Variants in PTPN4 observed in about 807,000 individuals in gnomAD.
PTPN4 encodes the protein protein tyrosine phosphatase non-receptor type 4.
Under a neutral mutation model 135.5 loss-of-function variants are expected in PTPN4, and 49 were observed. The observed-to-expected ratio is 0.36, with a 90% confidence interval of 0.29 to 0.46. The LOEUF (loss-of-function observed/expected upper bound fraction) is 0.46. PTPN4 is among the 20% of genes least tolerant of loss of function. The pLI, the probability that PTPN4 is intolerant of heterozygous loss-of-function variation, is 1.00. For synonymous variants in PTPN4, 333 were observed against 369.9 expected (o/e 0.90, Z 1.14); for missense variants, 860 against 1,101.0 (o/e 0.78, Z 3.10).
Position 119,960,935 on chromosome 2 carries a change from A to G in PTPN4, c.2262A>G (p.Thr754=). 3 of 1,612,222 alleles carry G rather than the reference A, an allele frequency of 1.9e-6. No individual in the cohort carries two copies. The highest frequency in any genetic ancestry group is 2.5e-6 in the Non-Finnish European group (3 of 1,179,546). Reference sequence around the variant, plus strand: ...CCTCTATGGTTGTAATGTTGACCACACAAGTTGAACGTGGCAGAGTAAGTC... The same window carrying G: ...CCTCTATGGTTGTAATGTTGACCACGCAAGTTGAACGTGGCAGAGTAAGTC... ...QGSSMVVMLT[T]QVERGRVKCH... The change falls in exon 23 of 27, where the codon ACA becomes ACG. Residue 754 remains threonine, a synonymous_variant. Coordinates refer to ENST00000263708, the MANE Select transcript of PTPN4 (RefSeq NM_002830.4).
chr2:119,951,232 C>G, intron 18 of PTPN4, among the ~76,000 whole-genome samples: 1 of 152,142 alleles, frequency 6.6e-6, no homozygotes, highest in East Asian at 1.9e-4. Flanking sequence ...TCCAAAAGTT[C>G]CTTTGGCTGC....
At chr2:119,967,397 C>T (rs1679460357) in intron 25 of PTPN4, among the ~76,000 whole-genome samples, 3 of 151,558 alleles carry the variant, frequency 2.0e-5, no homozygotes, top group African/African-American at 4.9e-5. Context: ...TGCAGTGAGC[C>T]GAGATCGCAC....
intron 2 of PTPN4, among the ~76,000 whole-genome samples, chr2:119,817,546 G>A (rs368975787): frequency 2.6e-5 from 4 of 152,014 alleles, no homozygotes; most frequent in East Asian, 1.9e-4. Flanking sequence ...TACTAGTACC[G>A]TACTGTTTTT....
chr2:119,846,042 T>C (rs765710520), intron 2 of PTPN4, among the ~76,000 whole-genome samples: 118 of 152,354 alleles, frequency 7.7e-4, no homozygotes, highest in Middle Eastern at 3.4e-3. Flanking sequence ...CCATTTGTTG[T>C]TGGAGAATAT....
At chr2:119,951,480 C>A (rs765992875) in intron 18 of PTPN4, among the ~76,000 whole-genome samples, 3 of 152,228 alleles carry the variant, frequency 2.0e-5, no homozygotes, top group Non-Finnish European at 4.4e-5. Context: ...GAACTGAAAA[C>A]AGATGACCAT....
chr2:119,918,587 G>A (rs1446196389), intron 11 of PTPN4, among the ~76,000 whole-genome samples: 5 of 152,170 alleles, frequency 3.3e-5, no homozygotes, highest in Non-Finnish European at 7.4e-5. Context: ...ATACACAACA[G>A]AATAGTAAGG....
intron 1 of PTPN4, among the ~76,000 whole-genome samples, chr2:119,766,510 G>C (rs1256095312): frequency 6.7e-6 from 1 of 149,534 alleles, no homozygotes; most frequent in African/African-American, 2.5e-5. Context: ...GTGTGTGTGT[G>C]AAATATCTCT....
intron 3 of PTPN4, among the ~76,000 whole-genome samples, chr2:119,866,854 A>G (rs1452638812): frequency 2.6e-5 from 4 of 152,106 alleles, no homozygotes; most frequent in South Asian, 2.1e-4. Context: ...ATCTATTCAT[A>G]TGTTTCCACT....
intron 2 of PTPN4, among the ~76,000 whole-genome samples, chr2:119,861,016 A>T (rs560141753): frequency 4.6e-4 from 70 of 151,288 alleles, no homozygotes; most frequent in Non-Finnish European, 8.4e-4. Context: ...ATTGCACTCT[A>T]GCCTGGGCAA....
intron 1 of PTPN4, among the ~76,000 whole-genome samples, chr2:119,800,131 AT>A (rs773241327): frequency 2.0e-5 from 3 of 152,132 alleles, no homozygotes; most frequent in Non-Finnish European, 4.4e-5. Context: ...TGTTCTTTTA[AT>A]TCTAAGAGGA....
At chr2:119,976,876 C>T in intron 26 of PTPN4, 108 bp from the exon 27 acceptor site, 1 of 1,485,858 alleles carries the variant, frequency 6.7e-7, no homozygotes, top group South Asian at 1.3e-5. Flanking sequence ...TTTTGTTTTG[C>T]ATTTTTTAAG....
chr2:119,812,828 A>G (rs1676914428), intron 2 of PTPN4, among the ~76,000 whole-genome samples: 1 of 152,232 alleles, frequency 6.6e-6, no homozygotes, highest in Admixed American at 6.5e-5. Context: ...TGTCCGTACT[A>G]CATGGATTGA....
chr2:119,798,168 CTT>C (rs201921444), intron 1 of PTPN4, among the ~76,000 whole-genome samples: 16 of 142,112 alleles, frequency 1.1e-4, no homozygotes, highest in African/African-American at 1.0e-4. Context: ...ACTGCAACAT[CTT>C]TTTTTTTTTT....
intron 1 of PTPN4, among the ~76,000 whole-genome samples, chr2:119,806,285 T>C (rs558518659): frequency 1.3e-5 from 2 of 152,144 alleles, no homozygotes; most frequent in Admixed American, 6.5e-5. Flanking sequence ...GACTAGCAAA[T>C]TGGATAAAGA....
chr2:119,796,773 T>G (rs1691269252), intron 1 of PTPN4, among the ~76,000 whole-genome samples: 1 of 152,220 alleles, frequency 6.6e-6, no homozygotes, highest in East Asian at 1.9e-4. Flanking sequence ...TTTCCAGCAT[T>G]GTTGTAACAT....
At chr2:119,838,823 T>C (rs1317885239) in intron 2 of PTPN4, among the ~76,000 whole-genome samples, 1 of 152,272 alleles carries the variant, frequency 6.6e-6, no homozygotes, top group Non-Finnish European at 1.5e-5. Flanking sequence ...TTTGCTGTTT[T>C]ATCATTCACT....
Position 119,879,336 on chromosome 2 carries a change from G to C in PTPN4, c.368+1794G>C, listed in dbSNP as rs1450582190. On this transcript the variant is annotated intron_variant, in intron 5 of 26. Coordinates refer to ENST00000263708, the MANE Select transcript of PTPN4 (RefSeq NM_002830.4). ...GTTGAAATAACTGCCTGAAGCAGAA[G>C]AAAGTAAAATCAAGTTTGATGGTAG... Among the ~76,000 whole-genome samples the C allele has an allele frequency of 1.3e-5, 2 of 152,190 alleles. 1 individual carries two copies. Among genetic ancestry groups the C allele is most frequent in the East Asian group, 3.8e-4 (2 of 5,204 alleles).
Position 119,945,610 on chromosome 2 carries a change from T to A in PTPN4, c.1515+370T>A, listed in dbSNP as rs77064786. On this transcript the variant is annotated intron_variant, in intron 16 of 26. Coordinates refer to ENST00000263708, the MANE Select transcript of PTPN4 (RefSeq NM_002830.4). Reference sequence around the variant, plus strand: ...ACTTAAAGTATAATAATAATAAAAATTAAAAATAAAAATAACAATAAAGAA... The same window carrying A: ...ACTTAAAGTATAATAATAATAAAAAATAAAAATAAAAATAACAATAAAGAA... 3.1e-4 allele frequency among the ~76,000 whole-genome samples: 6 copies of A among 19,106 alleles called. No homozygotes were observed. The South Asian group carries it at 9.0e-3, about 29-fold the overall frequency. 12.5% of individuals were successfully genotyped at this position (19,106 alleles called of 152,430 possible). A position where few individuals can be genotyped will look rare whatever the true frequency, so the allele number is the denominator to read the frequency against.
At position 119,862,526 on chromosome 2, in the gene PTPN4, T is replaced by A. The variant is rs1484421401; in HGVS notation, c.139-10T>A. On this transcript the variant is annotated splice_polypyrimidine_tract_variant and intron_variant, in intron 2 of 26. Transcript: ENST00000263708. ...AGTTGATTTCATTCAATTTTTTTTT[T>A]TTTTTACAGAAACATGATCAGGGGC... 3 of 1,594,610 alleles carry A rather than the reference T, an allele frequency of 1.9e-6. No homozygotes were observed. In the South Asian group the frequency reaches 3.4e-5, roughly 18 times the overall value.
Sources: allele counts gnomAD v4.1 joint callset (sites outside exome capture counted in the v4.1 genomes callset), GRCh38; gene constraint gnomAD v4.1.1; transcripts MANE v1.5; gene names NCBI Gene and HGNC (gene_info 2026-07-23, HGNC 2026-07-21).